Variants in ASXL3 observed in about 807,000 individuals in gnomAD.
ASXL3 encodes putative Polycomb group protein ASXL3.
A neutral mutation model predicts 170.6 loss-of-function variants in ASXL3; 34 were observed. The ratio of observed to expected loss-of-function variants is 0.20; its 90% CI spans 0.15 to 0.27. The LOEUF (loss-of-function observed/expected upper bound fraction) is 0.27. ASXL3 is among the 10% of genes least tolerant of loss of function. The pLI is 1.00. For missense variants in ASXL3, 2,592 were observed against 2,695.3 expected, an observed-to-expected ratio of 0.96 and a Z score of 0.85; for synonymous variants, 1,002 against 989.1, an observed-to-expected ratio of 1.01 and a Z score of -0.24.
intron 8 of ASXL3, 88 bp from the exon 9 acceptor site, chr18:33,731,880 A>T: frequency 1.0e-6 from 1 of 970,834 alleles, no homozygotes; most frequent in Non-Finnish European, 1.6e-6. Context: ...ACACTGCCCA[A>T]CACCACTCAA....
chr18:33,745,910 C>G lies in ASXL3; in HGVS notation c.6062C>G (p.Pro2021Arg). The change falls in exon 12 of 12, where the codon CCG (proline) becomes CGG (arginine). Residue 2021 changes from proline to arginine, a missense_variant. By Grantham distance (103) the Pro-to-Arg change is moderately radical (BLOSUM62 -2). Around this residue, in one of 4 missense-constraint regions of ASXL3, gnomAD observed 2,246 missense variants for 2,219.6 expected, o/e 1.01. Transcript: ENST00000269197. ...GCACTAGTACATCCGCCGCCGCCAC[C>G]GCCTCCCCCTCCCCCTCCACCCTTG... ...NKALVHPPPP[P>R]PPPPPPPLAL... The G allele has an allele frequency of 6.2e-7, 1 of 1,600,878 alleles. No homozygotes were observed. The highest frequency in any genetic ancestry group is 8.5e-7 in the Non-Finnish European group (1 of 1,175,820).
At chr18:33,734,166 GAGA>G in intron 9 of ASXL3, 141 bp from the exon 10 acceptor site, 1 of 394,218 alleles carries the variant, frequency 2.5e-6, no homozygotes, top group Non-Finnish European at 4.2e-6. Flanking sequence ...TTCATAAAAA[GAGA>G]AGATGTAGAA....
At chr18:33,635,733 A>C (rs2065753423) in intron 2 of ASXL3, among the ~76,000 whole-genome samples, 1 of 152,210 alleles carries the variant, frequency 6.6e-6, no homozygotes, top group Non-Finnish European at 1.5e-5. Flanking sequence ...CAGGGTATGC[A>C]AATATAAGAT....
chr18:33,671,398 T>C (rs1284534586), intron 6 of ASXL3, among the ~76,000 whole-genome samples: 2 of 152,230 alleles, frequency 1.3e-5, no homozygotes, highest in African/African-American at 2.4e-5. Context: ...GATTCCTTTC[T>C]TTTTCATCTT....
intron 11 of ASXL3, among the ~76,000 whole-genome samples, chr18:33,741,702 T>C (rs577745940): frequency 6.6e-6 from 1 of 152,132 alleles, no homozygotes. Flanking sequence ...TAATTCTAAA[T>C]TGATATGTAT....
chr18:33,686,706 T>C (rs548247224), intron 8 of ASXL3, among the ~76,000 whole-genome samples: 4 of 152,362 alleles, frequency 2.6e-5, no homozygotes, highest in Admixed American at 2.0e-4. Context: ...GTCTACAACC[T>C]TGATGGCCTG....
At chr18:33,586,508 T>A (rs2065036119) in intron 1 of ASXL3, among the ~76,000 whole-genome samples, 1 of 152,126 alleles carries the variant, frequency 6.6e-6, no homozygotes, top group South Asian at 2.1e-4. Flanking sequence ...CTTAGAGATT[T>A]AATTAATTTT....
chr18:33,647,863 T>C (rs999890546), intron 4 of ASXL3, among the ~76,000 whole-genome samples: 7 of 150,428 alleles, frequency 4.7e-5, no homozygotes, highest in Non-Finnish European at 8.9e-5. Context: ...CATAAGGGAG[T>C]GGGGGAGTAG....
chr18:33,746,592 A>C lies in ASXL3; in HGVS notation c.6744A>C (p.Arg2248=). The change falls in exon 12 of 12, where the codon CGA becomes CGC. Residue 2248 remains arginine, a synonymous_variant. Coordinates refer to ENST00000269197, the MANE Select transcript of ASXL3 (RefSeq NM_030632.3). ...SKLCVACLVV[R] is the part of the protein sequence containing the mutation. ...TTTGTGTAGCATGCCTGGTTGTACG[A>C]TAAGAGCTGAGTGAAAGATGCAGTA... 6.3e-7 allele frequency: 1 copy of C among 1,578,608 alleles called. No homozygotes were observed. Among genetic ancestry groups the C allele is most frequent in the Non-Finnish European group, 8.6e-7 (1 of 1,161,148 alleles).
At chr18:33,634,938 A>G (rs1223233851) in intron 2 of ASXL3, among the ~76,000 whole-genome samples, 2 of 152,138 alleles carry the variant, frequency 1.3e-5, no homozygotes, top group Non-Finnish European at 2.9e-5. Flanking sequence ...ATGCTACAAT[A>G]GTAGCATAGG....
In ASXL3 at chr18:33,646,307, T is replaced by C. The variant is rs1331296673; in HGVS notation, c.309T>C (p.Asp103=). The C allele has an allele frequency of 1.2e-6, 2 of 1,611,368 alleles. No individual in the cohort carries two copies. Among genetic ancestry groups the C allele is most frequent in the African/African-American group, 2.7e-5 (2 of 74,764 alleles). ...TLDLVCESEL[D]GTDMAEANAH... ...ATTTAGTCTGTGAATCTGAATTGGATGGTACAGATATGGCCGAGGCAAATG... is the reference window on the plus strand; with the variant it reads ...ATTTAGTCTGTGAATCTGAATTGGACGGTACAGATATGGCCGAGGCAAATG... Residue 103 remains aspartate, a synonymous_variant, in exon 4 of 12, where the codon GAT becomes GAC. Coordinates refer to ENST00000269197, the MANE Select transcript of ASXL3 (RefSeq NM_030632.3).
chr18:33,653,741 C>CCGGGGGATAGAAATCGCACAGTCCCCCTT (rs2066037537), intron 4 of ASXL3, among the ~76,000 whole-genome samples: 1 of 152,042 alleles, frequency 6.6e-6, no homozygotes, highest in Non-Finnish European at 1.5e-5. Context: ...AGTATATGAT[C>CCGGGGGATAGAAATCGCACAGTCCCCCTT]CGGGGGATAG....
intron 5 of ASXL3, among the ~76,000 whole-genome samples, chr18:33,669,642 A>G (rs1315184859): frequency 1.3e-5 from 2 of 152,208 alleles, no homozygotes; most frequent in Admixed American, 6.5e-5. Flanking sequence ...GCAAGGGGAA[A>G]TACAGTCAAG....
At chr18:33,579,830 G>T (rs1327721055) in intron 1 of ASXL3, among the ~76,000 whole-genome samples, 1 of 151,940 alleles carries the variant, frequency 6.6e-6, no homozygotes, top group Non-Finnish European at 1.5e-5. Flanking sequence ...TTTGGGAGGG[G>T]GGAGCAGGAC....
intron 11 of ASXL3, 51 bp from the exon 12 acceptor site, chr18:33,742,837 C>G (rs2067687139): frequency 1.3e-6 from 2 of 1,521,292 alleles, no homozygotes; most frequent in Non-Finnish European, 8.8e-7. Context: ...CGTGCCTCCT[C>G]TGTGATCATG....
At chr18:33,726,624 A>G (rs1219916070) in intron 8 of ASXL3, among the ~76,000 whole-genome samples, 3 of 152,102 alleles carry the variant, frequency 2.0e-5, no homozygotes, top group Non-Finnish European at 2.9e-5. Flanking sequence ...AATTAATTAC[A>G]TGTTTCTTTT....
intron 5 of ASXL3, among the ~76,000 whole-genome samples, chr18:33,664,792 G>A (rs2066232260): frequency 6.6e-6 from 1 of 152,098 alleles, no homozygotes; most frequent in Non-Finnish European, 1.5e-5. Flanking sequence ...ATTGTAAGCT[G>A]GACAATCTGG....
At chr18:33,710,343 G>T (rs1330939651) in intron 8 of ASXL3, among the ~76,000 whole-genome samples, 2 of 152,166 alleles carry the variant, frequency 1.3e-5, no homozygotes, top group African/African-American at 4.8e-5. Context: ...TGTATCTTTG[G>T]CACTTCACTA....
chr18:33,714,776 C>T (rs2067136600), intron 8 of ASXL3, among the ~76,000 whole-genome samples: 1 of 152,070 alleles, frequency 6.6e-6, no homozygotes, highest in Admixed American at 6.6e-5. Flanking sequence ...ATCTGACACA[C>T]ATGAATTCAT....
Sources: allele counts gnomAD v4.1 joint callset (sites outside exome capture counted in the v4.1 genomes callset), GRCh38; gene constraint gnomAD v4.1.1; regional missense constraint gnomAD v4.1.1; transcripts MANE v1.5; gene names NCBI Gene and HGNC (gene_info 2026-07-23, HGNC 2026-07-21).